PPP4R2: variants seen among roughly 807,000 people sequenced by gnomAD.
PPP4R2 encodes the protein protein phosphatase 4 regulatory subunit 2, also known as serine/threonine-protein phosphatase 4 regulatory subunit 2.
PPP4R2 carries 13 observed loss-of-function variants against 47.2 expected under a neutral mutation model. The ratio of observed to expected loss-of-function variants is 0.28; its 90% CI spans 0.18 to 0.44. The LOEUF (loss-of-function observed/expected upper bound fraction) is 0.44. PPP4R2 is among the 20% of genes least tolerant of loss of function. The probability of loss-of-function intolerance (pLI) is 1.00; values close to 1 mark genes in which losing one functional copy is unlikely to be tolerated. For missense variants in PPP4R2, 421 were observed against 491.2 expected, an observed-to-expected ratio of 0.86 and a Z score of 1.35; for synonymous variants, 151 against 163.3, an observed-to-expected ratio of 0.92 and a Z score of 0.57.
At chr3:73,060,013 C>A (rs754252713) in intron 4 of PPP4R2, among the ~76,000 whole-genome samples, 2 of 151,060 alleles carry the variant, frequency 1.3e-5, no homozygotes, top group Non-Finnish European at 2.9e-5. Context: ...AAGAAATTGA[C>A]TTGTCTTGAG....
intron 2 of PPP4R2, among the ~76,000 whole-genome samples, chr3:73,026,655 CA>C (rs534405695): frequency 6.6e-6 from 1 of 152,052 alleles, no homozygotes; most frequent in Non-Finnish European, 1.5e-5. Flanking sequence ...GAATGTGACC[CA>C]ACACAAATTC....
intron 2 of PPP4R2, among the ~76,000 whole-genome samples, chr3:73,018,917 C>CT (rs1701904625): frequency 6.6e-6 from 1 of 152,104 alleles, no homozygotes; most frequent in African/African-American, 2.4e-5. Flanking sequence ...TAGCTGTTTG[C>CT]TTACTAGTCT....
chr3:73,029,295 G>C (rs936865991), intron 2 of PPP4R2, among the ~76,000 whole-genome samples: 8 of 152,210 alleles, frequency 5.3e-5, no homozygotes, highest in African/African-American at 1.7e-4. Flanking sequence ...AGCATTAAAA[G>C]AATTGTCCAA....
chr3:73,004,953 G>GTGTT (rs1365589470), intron 2 of PPP4R2, among the ~76,000 whole-genome samples: 210 of 83,878 alleles, frequency 2.5e-3, no homozygotes, highest in African/African-American at 0.013. Context: ...TCGTGTGTGT[G>GTGTT]TGTGTGTGTG....
intron 2 of PPP4R2, among the ~76,000 whole-genome samples, chr3:73,007,812 A>G (rs1455403573): frequency 6.6e-6 from 1 of 152,080 alleles, no homozygotes; most frequent in Non-Finnish European, 1.5e-5. Context: ...TTAAGAGGGA[A>G]TTTTGTTTTA....
At chr3:73,046,309 A>C (rs1309524510) in intron 2 of PPP4R2, among the ~76,000 whole-genome samples, 1 of 152,178 alleles carries the variant, frequency 6.6e-6, no homozygotes, top group East Asian at 1.9e-4. Context: ...CATGGGATGG[A>C]AGGTGATTAC....
At chr3:73,012,694 G>C (rs1463463424) in intron 2 of PPP4R2, among the ~76,000 whole-genome samples, 1 of 152,166 alleles carries the variant, frequency 6.6e-6, no homozygotes, top group East Asian at 1.9e-4. Flanking sequence ...TTAAAATTGT[G>C]CAACTAAAGG....
Position 73,067,350 on chromosome 3 carries a change from G to A in PPP4R2, c.*1628G>A, listed in dbSNP as rs562766428. 4 of 152,082 alleles carry A rather than the reference G, an allele frequency of 2.6e-5. No homozygotes were observed. The highest frequency in any genetic ancestry group is 2.1e-4 in the South Asian group (1 of 4,818). 9.4% of individuals were successfully genotyped at this position (152,082 alleles called of 1,614,324 possible). The stretch of plus-strand genomic sequence containing the variant: ...TTTGGGGGGCAACCACAAGTTTTGC[G>A]TTTTGACTACTTAAATCATCATGGC... On this transcript the variant is annotated 3_prime_UTR_variant, in exon 9 of 9. Transcript: ENST00000356692.
chr3:73,032,509 G>C (rs1395732822), intron 2 of PPP4R2, among the ~76,000 whole-genome samples: 1 of 152,062 alleles, frequency 6.6e-6, no homozygotes, highest in African/African-American at 2.4e-5. Context: ...GGATGGTCTT[G>C]ATTTCCTGAC....
chr3:73,042,870 A>T (rs1044470187), intron 2 of PPP4R2, among the ~76,000 whole-genome samples: 1 of 152,138 alleles, frequency 6.6e-6, no homozygotes, highest in Non-Finnish European at 1.5e-5. Flanking sequence ...TGTGTTCATA[A>T]TTCATGTCAA....
chr3:73,044,306 T>G (rs966698720), intron 2 of PPP4R2, among the ~76,000 whole-genome samples: 2 of 151,976 alleles, frequency 1.3e-5, no homozygotes, highest in African/African-American at 4.8e-5. Flanking sequence ...TGCACAAGAG[T>G]TTTGGTTTCT....
rs755392232 is a variant in PPP4R2 at position 73,062,848 on chromosome 3, T to A, written c.420-825T>A. ...TGGGTTGGAGAATTAATGTTCACAC[T>A]TCTATTTGGAGACTTTGAATCCCCT... On this transcript the variant is annotated intron_variant, in intron 5 of 8. Coordinates refer to ENST00000356692, the MANE Select transcript of PPP4R2 (RefSeq NM_174907.4). The A allele has an allele frequency of 1.9e-6, 3 of 1,613,804 alleles. No homozygotes were observed. The East Asian group carries it at 6.7e-5, about 36-fold the overall frequency.
chr3:73,044,800 G>T (rs1233179758), intron 2 of PPP4R2, among the ~76,000 whole-genome samples: 1 of 152,110 alleles, frequency 6.6e-6, no homozygotes, highest in Non-Finnish European at 1.5e-5. Context: ...TTTAAATTGG[G>T]TCATCTTTTT....
At chr3:73,050,319 C>T (rs2107316621) in intron 3 of PPP4R2, among the ~76,000 whole-genome samples, 1 of 152,230 alleles carries the variant, frequency 6.6e-6, no homozygotes, top group Admixed American at 6.5e-5. Context: ...TTTCTCTGAG[C>T]AGGCAGAATC....
chr3:73,047,159 A>G (rs902014315), intron 2 of PPP4R2, 27 bp from the exon 3 acceptor site: 1 of 1,302,194 alleles, frequency 7.7e-7, no homozygotes, highest in Non-Finnish European at 1.1e-6. Context: ...ACATGGTATT[A>G]TATATTTTTT....
At chr3:73,034,958 G>T (rs574711222) in intron 2 of PPP4R2, among the ~76,000 whole-genome samples, 39 of 152,212 alleles carry the variant, frequency 2.6e-4, no homozygotes, top group African/African-American at 7.9e-4. Flanking sequence ...ATTACATCAA[G>T]CTAAAAAGCT....
chr3:73,056,380 T>C (rs1702732546), intron 3 of PPP4R2, among the ~76,000 whole-genome samples: 1 of 152,226 alleles, frequency 6.6e-6, no homozygotes, highest in Admixed American at 6.5e-5. Flanking sequence ...TTCTAGTTTA[T>C]AATAGGCTCT....
At chr3:73,049,206 A>G (rs1702558678) in intron 3 of PPP4R2, among the ~76,000 whole-genome samples, 2 of 152,224 alleles carry the variant, frequency 1.3e-5, no homozygotes, top group South Asian at 4.1e-4. Context: ...CAAGATTAGA[A>G]TACTTCTCGG....
chr3:73,059,156 A>G, intron 4 of PPP4R2, 26 bp downstream of exon 4: 3 of 1,190,020 alleles, frequency 2.5e-6, no homozygotes, highest in Non-Finnish European at 3.7e-6. Context: ...TTGGAATTAT[A>G]TTATGCTGTG....
Sources: allele counts gnomAD v4.1 joint callset (sites outside exome capture counted in the v4.1 genomes callset), GRCh38; gene constraint gnomAD v4.1.1; transcripts MANE v1.5; gene names NCBI Gene and HGNC (gene_info 2026-07-23, HGNC 2026-07-21).